Variants in KIF1A observed in about 807,000 individuals in gnomAD.
The protein encoded by KIF1A is kinesin-like protein KIF1A.
In KIF1A, 46 loss-of-function variants were observed where a neutral mutation model predicts 227.3. The observed-to-expected ratio is 0.20, with a 90% CI of 0.16 to 0.26. KIF1A has a LOEUF of 0.26. Among genes scored for constraint, KIF1A ranks in the 10% least tolerant of loss-of-function variants. The pLI is 1.00. For missense variants in KIF1A, 1,683 were observed against 2,485.9 expected (o/e 0.68, Z 6.87); for synonymous variants, 1,022 against 1,012.8 (o/e 1.01, Z -0.17).
chr2:240,717,093 C>T lies in KIF1A; in HGVS notation c.*271G>A, dbSNP rs913299465. ...AAAAATATTAGAACGGCAGCAAGAA[C>T]CCCCGTAACCTGTGCCCTTGGCCCC... On this transcript the variant is annotated 3_prime_UTR_variant, in exon 49 of 49. Coordinates refer to ENST00000498729, the MANE Select transcript of KIF1A (RefSeq NM_001244008.2). The T allele has an allele frequency of 2.3e-6, 1 of 440,326 alleles. No individual in the cohort carries two copies. Among genetic ancestry groups the T allele is most frequent in the South Asian group, 6.6e-5 (1 of 15,130 alleles). 27.3% of individuals were successfully genotyped at this position (440,326 alleles called of 1,614,324 possible).
chr2:240,789,281 C>T lies in KIF1A; in HGVS notation c.138G>A (p.Thr46=), dbSNP rs192880105. The stretch of plus-strand genomic sequence containing the variant: ...AGTAGTCAAAGCTGAAGCTTTTGGG[C>T]GTCTCCTTGGGCTGTTTGGGGTTAA... ...TIVNPKQPKE[T]PKSFSFDYSY... is the part of the protein sequence containing the mutation. Residue 46 remains threonine (T), a synonymous_variant, in exon 3 of 49, where the codon ACG becomes ACA. Transcript: ENST00000498729. The surrounding 1 kb of genome is among the most constrained non-coding windows in gnomAD (Gnocchi z 4.8). 228 of 1,613,860 alleles carry T rather than the reference C, an allele frequency of 1.4e-4. 1 individual carries two copies. In the African/African-American group the frequency reaches 1.9e-3, roughly 13 times the overall value.
rs2044457357 is a variant in KIF1A, at chr2:240,714,755, C to G, written c.*2609G>C. ...GACTCAGGCGGCCTCCTCTCACCAT[C>G]AACTCTGAGTTTCTGGGTCCTGGCT... On this transcript the variant is annotated 3_prime_UTR_variant, in exon 49 of 49. Transcript: ENST00000498729. The G allele has an allele frequency of 6.6e-6, 1 of 152,288 alleles. No homozygotes were observed. The allele number at this position is 152,288 out of a possible 1,614,324, so 9.4% of individuals were successfully genotyped here.
chr2:240,731,592 C>G (rs537694448), intron 38 of KIF1A, among the ~76,000 whole-genome samples: 116 of 152,314 alleles, frequency 7.6e-4, no homozygotes, highest in African/African-American at 2.7e-3. Context: ...CAGATCTGGC[C>G]TCAGAGGCAG....
At chr2:240,755,904 C>T (rs1196702878) in intron 27 of KIF1A, among the ~76,000 whole-genome samples, 3 of 152,100 alleles carry the variant, frequency 2.0e-5, no homozygotes, top group East Asian at 3.9e-4. Context: ...ATGGAACTGG[C>T]CTTGGGGTCC....
At chr2:240,723,334 G>A in intron 42 of KIF1A, 79 bp downstream of exon 42, 1 of 1,385,610 alleles carries the variant, frequency 7.2e-7, no homozygotes, top group South Asian at 1.5e-5. Flanking sequence ...CCAGGCCCTG[G>A]GCCCTCTCCA....
intron 44 of KIF1A, 52 bp from the exon 45 acceptor site, chr2:240,721,090 C>T (rs1575517464): frequency 1.2e-6 from 2 of 1,601,876 alleles, no homozygotes; most frequent in East Asian, 2.2e-5. Context: ...GGTCTCCGGC[C>T]TCTGTGGGAG....
At chr2:240,720,678 T>C (rs867335518) in intron 45 of KIF1A, 74 of 377,452 alleles carry the variant, frequency 2.0e-4, no homozygotes, top group African/African-American at 1.4e-3. Flanking sequence ...CACCCATTTC[T>C]GGTCTTCTTC....
At chr2:240,721,405 A>C (rs927130720) in intron 44 of KIF1A, among the ~76,000 whole-genome samples, 2 of 152,248 alleles carry the variant, frequency 1.3e-5, no homozygotes, top group African/African-American at 4.8e-5. Flanking sequence ...AGCTCCACGC[A>C]TAATGCAGCA....
intron 47 of KIF1A, among the ~76,000 whole-genome samples, 177 bp from the exon 48 acceptor site, chr2:240,718,345 G>C (rs1359774360): frequency 1.3e-5 from 2 of 152,194 alleles, no homozygotes; most frequent in Non-Finnish European, 2.9e-5. Context: ...ACTGCCTTCT[G>C]GACGCATCTG....
At chr2:240,741,689 A>C (rs545005463) in intron 34 of KIF1A, among the ~76,000 whole-genome samples, 2 of 152,362 alleles carry the variant, frequency 1.3e-5, no homozygotes, top group South Asian at 4.1e-4. Context: ...CCAACAGGGC[A>C]GCCGCACATA....
chr2:240,749,784 G>A lies in KIF1A; in HGVS notation c.2977+645C>T, dbSNP rs187414325. Among the ~76,000 whole-genome samples, 523 of 152,352 alleles carry A rather than the reference G, an allele frequency of 3.4e-3. 5 individuals are homozygous for A. The highest frequency in any genetic ancestry group is 3.9e-3 in the Non-Finnish European group (263 of 68,020). On this transcript the variant is annotated intron_variant, in intron 28 of 48. Coordinates refer to ENST00000498729, the MANE Select transcript of KIF1A (RefSeq NM_001244008.2). ...TGGTGCCTCTGGCCATCCGGAGCAG[G>A]CTGAGCAGCACCAGTCTCCACCTCC... is the stretch of plus-strand genomic sequence containing the variant.
chr2:240,774,089 C>T, intron 12 of KIF1A, 94 bp downstream of exon 12: 1 of 763,810 alleles, frequency 1.3e-6, no homozygotes, highest in Non-Finnish European at 2.2e-6. Context: ...AAGAGTCGCC[C>T]CTGGTCACTG....
Position 240,757,468 on chromosome 2 carries a change from C to T in KIF1A, c.2709G>A (p.Glu903=), listed in dbSNP as rs1182829198. 1 of 1,550,554 alleles carries T rather than the reference C, an allele frequency of 6.4e-7. No homozygotes were observed. Among genetic ancestry groups the T allele is most frequent in the Non-Finnish European group, 8.7e-7 (1 of 1,147,020 alleles). ...PDSDATEPAE[E]QSVGEEEEEE... is the part of the protein sequence containing the mutation. The stretch of plus-strand genomic sequence containing the variant: ...CCTCCTCCTCCTCCCCCACGCTCTG[C>T]TCCTCGGCAGGCTCGGTGGCGTCGG... Residue 903 remains glutamate, a synonymous_variant, in exon 27 of 49, where the codon GAG becomes GAA. Coordinates refer to ENST00000498729, the MANE Select transcript of KIF1A (RefSeq NM_001244008.2). This position sits in a 1 kb window ranked among gnomAD's most constrained non-coding sequence, Gnocchi z 6.2.
chr2:240,769,195 C>G lies in KIF1A; in HGVS notation c.1435G>C (p.Ala479Pro). ...TCCCTCATGGCCACACCCATCTCGG[C>G]CAGCAGGGCTTCCCTGGGGGAACAG... is the stretch of plus-strand genomic sequence containing the variant. ...AIRMEREALL[A>P]EMGVAMREDG... Residue 479 changes from alanine to proline, a missense_variant, in exon 17 of 49, where the codon GCC becomes CCC. Ala to Pro is a conservative substitution (Grantham distance 27, BLOSUM62 -1). Transcript: ENST00000498729. 1 of 1,609,914 alleles carries G rather than the reference C, an allele frequency of 6.2e-7. No individual in the cohort carries two copies. The highest frequency in any genetic ancestry group is 8.5e-7 in the Non-Finnish European group (1 of 1,178,512).
chr2:240,749,215 T>C (rs2125816900), intron 28 of KIF1A, among the ~76,000 whole-genome samples: 1 of 152,108 alleles, frequency 6.6e-6, no homozygotes, highest in South Asian at 2.1e-4. Flanking sequence ...GGGATTAAAA[T>C]CACCCAAGGC....
At chr2:240,791,640 C>T (rs1360467084) in intron 2 of KIF1A, among the ~76,000 whole-genome samples, 2 of 152,172 alleles carry the variant, frequency 1.3e-5, no homozygotes. Flanking sequence ...GCCCTAGGTG[C>T]CAACCTTGCT....
Position 240,739,091 on chromosome 2 carries a change from A to G in KIF1A, c.3901+967T>C, listed in dbSNP as rs1052700699. On this transcript the variant is annotated intron_variant, in intron 37 of 48. Coordinates refer to ENST00000498729, the MANE Select transcript of KIF1A (RefSeq NM_001244008.2). The surrounding 1 kb of genome is among the most constrained non-coding windows in gnomAD (Gnocchi z 5.6). ...AAATTAGACACAAAACTTGTAAAAC[A>G]TAAGCATGTATCCTGGTGTACCTGG... 2.6e-5 allele frequency among the ~76,000 whole-genome samples: 4 copies of G among 152,242 alleles called. No homozygotes were observed. Among genetic ancestry groups the G allele is most frequent in the East Asian group, 1.9e-4 (1 of 5,200 alleles).
chr2:240,734,929 G>A (rs2047154651), intron 38 of KIF1A, among the ~76,000 whole-genome samples: 1 of 152,170 alleles, frequency 6.6e-6, no homozygotes. Flanking sequence ...GAAGGCCAAG[G>A]CCCCAGGCTG....
chr2:240,777,266 G>A (rs530991675), intron 10 of KIF1A, among the ~76,000 whole-genome samples: 5 of 152,210 alleles, frequency 3.3e-5, no homozygotes, highest in South Asian at 2.1e-4. Flanking sequence ...GGATGGTCTC[G>A]ATCTCTTGAC....
Sources: gnomAD v4.1 joint callset for allele counts (sites outside exome capture counted in the v4.1 genomes callset) on GRCh38, gnomAD v4.1.1 for gene constraint, Gnocchi (gnomAD v3.1) non-coding constraint, MANE v1.5 for transcripts, NCBI Gene and HGNC (gene_info 2026-07-23, HGNC 2026-07-21) for gene names.